SMYD1: variants seen among roughly 807,000 people sequenced by gnomAD.
The protein encoded by SMYD1 is SET and MYND domain containing 1.
SMYD1 carries 49 observed loss-of-function variants against 54.0 expected under a neutral mutation model. The observed-to-expected ratio is 0.91, with a 90% CI of 0.72 to 1.15. The LOEUF is 1.15. Among genes scored for constraint, SMYD1 ranks in the 50% most tolerant of loss-of-function variants. SMYD1 has a pLI of 0.00. For missense variants in SMYD1, 653 were observed against 639.6 expected, an observed-to-expected ratio of 1.02 and a Z score of -0.23; for synonymous variants, 269 against 234.2, an observed-to-expected ratio of 1.15 and a Z score of -1.36.
chr2:88,088,820 G>C (rs1674398892), intron 3 of SMYD1, among the ~76,000 whole-genome samples: 1 of 152,142 alleles, frequency 6.6e-6, no homozygotes, highest in African/African-American at 2.4e-5. Context: ...CAGGGTTTTG[G>C]GGTGGGAGCA....
At chr2:88,107,447 A>AT (rs1209026877) in intron 8 of SMYD1, among the ~76,000 whole-genome samples, 1 of 152,104 alleles carries the variant, frequency 6.6e-6, no homozygotes, top group Non-Finnish European at 1.5e-5. Context: ...CATTTAAATT[A>AT]TTTTTTTCTC....
chr2:88,089,635 C>G (rs1674420043), intron 3 of SMYD1, among the ~76,000 whole-genome samples: 1 of 136,904 alleles, frequency 7.3e-6, no homozygotes, highest in South Asian at 2.5e-4. Flanking sequence ...CTCTGTCACT[C>G]AGGCTGGAGT....
intron 1 of SMYD1, among the ~76,000 whole-genome samples, chr2:88,081,523 G>A (rs1025484421): frequency 1.9e-4 from 29 of 150,036 alleles, no homozygotes; most frequent in African/African-American, 7.1e-4. Flanking sequence ...TGCAACCTCT[G>A]TCCCTGGGTT....
intron 3 of SMYD1, among the ~76,000 whole-genome samples, chr2:88,088,996 C>G (rs899360919): frequency 1.3e-5 from 2 of 152,208 alleles, no homozygotes; most frequent in Non-Finnish European, 2.9e-5. Flanking sequence ...AAACATCACA[C>G]TGACATCTCT....
At chr2:88,089,159 C>G (rs1159616727) in intron 3 of SMYD1, among the ~76,000 whole-genome samples, 2 of 152,178 alleles carry the variant, frequency 1.3e-5, no homozygotes, top group African/African-American at 4.8e-5. Flanking sequence ...AGTCCGGAGG[C>G]ATTCTGCTGG....
chr2:88,098,865 C>A (rs1426299153), intron 6 of SMYD1, among the ~76,000 whole-genome samples: 1 of 152,178 alleles, frequency 6.6e-6, no homozygotes, highest in East Asian at 1.9e-4. Flanking sequence ...CCTGATAAGC[C>A]TCCATCAGTA....
rs577930735 is a variant in SMYD1 at position 88,080,434 on chromosome 2, G to A, written c.138-3882G>A. Among the ~76,000 whole-genome samples, 3 of 152,334 alleles carry A rather than the reference G, an allele frequency of 2.0e-5. No individual in the cohort carries two copies. In the East Asian group the frequency reaches 5.8e-4, roughly 29 times the overall value. On this transcript the variant is annotated intron_variant, in intron 1 of 9. Transcript: ENST00000419482. ...AAAAAGATGGAGGATATTGTACTAG[G>A]CTATTCTAAAATGTCAATTTGGGTG...
Position 88,113,174 on chromosome 2 carries a change from T to G in SMYD1, c.*2662T>G, listed in dbSNP as rs1375678964. ...GAGCTCCTGGAGGGCAGGAGCTGTG[T>G]CCTTCTATTCATCTTCCTATCCCCA... On this transcript the variant is annotated 3_prime_UTR_variant, in exon 10 of 10. Coordinates refer to ENST00000419482, the MANE Select transcript of SMYD1 (RefSeq NM_198274.4). The G allele has an allele frequency of 6.6e-6, 1 of 152,212 alleles. No homozygotes were observed. Among genetic ancestry groups the G allele is most frequent in the South Asian group, 2.1e-4 (1 of 4,824 alleles). 9.4% of individuals were successfully genotyped at this position (152,212 alleles called of 1,614,324 possible).
In SMYD1 at chr2:88,110,628, G is replaced by C. The variant is rs921710421; in HGVS notation, c.*116G>C. The C allele has an allele frequency of 5.3e-6, 7 of 1,310,288 alleles. No homozygotes were observed. In the Admixed American group the frequency reaches 1.3e-4, roughly 24 times the overall value. The allele number at this position is 1,310,288 out of a possible 1,614,324, so 81.2% of individuals were successfully genotyped here. On this transcript the variant is annotated 3_prime_UTR_variant, in exon 10 of 10. Coordinates refer to ENST00000419482, the MANE Select transcript of SMYD1 (RefSeq NM_198274.4). ...AGTTGAGGTAATGCTTAACATTGTT[G>C]CTGTGAGAATTTACTGCCCTATGTT...
chr2:88,087,877 C>A lies in SMYD1; in HGVS notation c.330C>A (p.Ile110=). 1 of 1,594,978 alleles carries A rather than the reference C, an allele frequency of 6.3e-7. No homozygotes were observed. The highest frequency in any genetic ancestry group is 2.3e-5 in the East Asian group (1 of 44,346). Residue 110 remains isoleucine (I), a synonymous_variant, in exon 3 of 10, where the codon ATC becomes ATA. Transcript: ENST00000419482. The stretch of plus-strand genomic sequence containing the variant: ...CTTCCCACAGGCTGGCGGCGCGCAT[C>A]ATGTGGCGGGTGGAGAGAGAAGGCA... ...PNENIRLAAR[I]MWRVEREGTG...
In SMYD1 at chr2:88,091,097, A is replaced by G. The variant is rs1674451991; in HGVS notation, c.614A>G (p.Asn205Ser). The change falls in exon 4 of 10, where the codon AAC (asparagine) becomes AGC (serine). Residue 205 changes from asparagine to serine, a missense_variant. Coordinates refer to ENST00000419482, the MANE Select transcript of SMYD1 (RefSeq NM_198274.4). Reference sequence around the variant, plus strand: ...ATCTTCCCCAACCTGGGCCTGGTGAACCATGACTGTTGGCCCAACTGTACT... The same window carrying G: ...ATCTTCCCCAACCTGGGCCTGGTGAGCCATGACTGTTGGCCCAACTGTACT... ...VGIFPNLGLV[N>S]HDCWPNCTVI... The G allele has an allele frequency of 6.2e-7, 1 of 1,614,182 alleles. No individual in the cohort carries two copies. The highest frequency in any genetic ancestry group is 8.5e-7 in the Non-Finnish European group (1 of 1,180,022).
chr2:88,091,023 C>G lies in SMYD1; in HGVS notation c.540C>G (p.Asn180Lys), dbSNP rs746468835. 2 of 1,612,982 alleles carry G rather than the reference C, an allele frequency of 1.2e-6. No homozygotes were observed. Among genetic ancestry groups the G allele is most frequent in the African/African-American group, 2.7e-5 (2 of 74,878 alleles). ...ISHIFGVINC[N>K]GFTLSDQRGL... is the part of the protein sequence containing the mutation. The stretch of plus-strand genomic sequence containing the variant: ...TTTCCCCTGGGTAGATTAACTGCAA[C>G]GGTTTTACTCTCAGTGATCAGAGAG... The change falls in exon 4 of 10, where the codon AAC (asparagine) becomes AAG (lysine). Residue 180 changes from asparagine (N) to lysine (K), a missense_variant. By Grantham distance (94) the Asn-to-Lys change is moderately conservative. Transcript: ENST00000419482.
chr2:88,080,906 A>ATTTT (rs58421035), intron 1 of SMYD1, among the ~76,000 whole-genome samples: 1 of 146,346 alleles, frequency 6.8e-6, no homozygotes, highest in Non-Finnish European at 1.5e-5. Context: ...TCATTATTTA[A>ATTTT]TTTTTTTTTT....
At position 88,067,953 on chromosome 2, in the gene SMYD1, C is replaced by T. The variant is rs1558844051; in HGVS notation, c.89C>T (p.Ala30Val). The T allele has an allele frequency of 1.2e-6, 2 of 1,613,938 alleles. No homozygotes were observed. Among genetic ancestry groups the T allele is most frequent in the South Asian group, 2.2e-5 (2 of 91,062 alleles). ...GLKATKEFWA[A>V]DIIFAERAYS... ...AAGGCCACCAAGGAGTTCTGGGCTG[C>T]AGATATCATCTTTGCTGAGCGGGCT... The change falls in exon 1 of 10, where the codon GCA (alanine) becomes GTA (valine). Residue 30 changes from alanine to valine, a missense_variant. By Grantham distance (64) the Ala-to-Val change is moderately conservative (BLOSUM62 0). Coordinates refer to ENST00000419482, the MANE Select transcript of SMYD1 (RefSeq NM_198274.4).
At chr2:88,099,802 T>C (rs1401304250) in intron 6 of SMYD1, among the ~76,000 whole-genome samples, 1 of 152,062 alleles carries the variant, frequency 6.6e-6, no homozygotes, top group Non-Finnish European at 1.5e-5. Flanking sequence ...AACATCCTTC[T>C]TACCCCTTCT....
At chr2:88,085,769 G>C (rs1440309824) in intron 2 of SMYD1, among the ~76,000 whole-genome samples, 2 of 152,062 alleles carry the variant, frequency 1.3e-5, no homozygotes, top group Non-Finnish European at 2.9e-5. Flanking sequence ...TGCTGCCCTG[G>C]GCTCCCTGTG....
At chr2:88,086,771 G>A (rs962608446) in intron 2 of SMYD1, among the ~76,000 whole-genome samples, 15 of 151,058 alleles carry the variant, frequency 9.9e-5, no homozygotes, top group Admixed American at 1.3e-4. Context: ...TATTAGTACC[G>A]ATTTCAGAAA....
intron 6 of SMYD1, among the ~76,000 whole-genome samples, chr2:88,097,657 TA>T (rs1674625519): frequency 6.6e-6 from 1 of 152,194 alleles, no homozygotes; most frequent in Non-Finnish European, 1.5e-5. Context: ...GATCTCACCT[TA>T]ACTAATTACA....
chr2:88,098,688 A>G lies in SMYD1; in HGVS notation c.888+1904A>G, dbSNP rs56080815. 4.8e-3 allele frequency among the ~76,000 whole-genome samples: 733 copies of G among 152,314 alleles called. 3 individuals are homozygous for G. The highest frequency in any genetic ancestry group is 0.01 in the Middle Eastern group (3 of 294). ...TGAGGCCTGTGTACTAGTACTGGCT[A>G]TGACTCTAAACATCTGAGCTTGGCC... is the stretch of plus-strand genomic sequence containing the variant. On this transcript the variant is annotated intron_variant, in intron 6 of 9. Coordinates refer to ENST00000419482, the MANE Select transcript of SMYD1 (RefSeq NM_198274.4).
Sources: allele counts gnomAD v4.1 joint callset (sites outside exome capture counted in the v4.1 genomes callset), GRCh38; gene constraint gnomAD v4.1.1; transcripts MANE v1.5; gene names NCBI Gene and HGNC (gene_info 2026-07-23, HGNC 2026-07-21).